RAB38: variants seen among roughly 807,000 people sequenced by gnomAD.
The protein encoded by RAB38 is ras-related protein Rab-38.
Under a neutral mutation model 18.4 loss-of-function variants are expected in RAB38, and 15 were observed. The ratio of observed to expected loss-of-function variants is 0.82; its 90% confidence interval spans 0.55 to 1.26. RAB38 has a LOEUF of 1.26. Ranked by LOEUF, RAB38 falls within the 50% of genes most tolerant of loss-of-function variation. The pLI, the probability that RAB38 is intolerant of heterozygous loss-of-function variation, is 0.00. For synonymous variants in RAB38, 101 were observed against 104.4 expected, an observed-to-expected ratio of 0.97 and a Z score of 0.20; for missense variants, 294 against 267.4, an observed-to-expected ratio of 1.10 and a Z score of -0.69.
At chr11:87,853,169 G>A in the RAB38 span, among the ~76,000 whole-genome samples, 89 of 152,280 alleles carry the variant, frequency 5.8e-4, 2 homozygotes, top group Non-Finnish European at 3.8e-4. Flanking sequence ...TACAAAGCAC[G>A]TGGCATTTCA....
chr11:88,027,620 C>T, the RAB38 span, among the ~76,000 whole-genome samples: 2 of 152,220 alleles, frequency 1.3e-5, no homozygotes, highest in African/African-American at 4.8e-5. Flanking sequence ...TCGCTGATTG[C>T]TAGCACAGCA....
At chr11:87,908,000 T>G in the RAB38 span, among the ~76,000 whole-genome samples, 51 of 152,038 alleles carry the variant, frequency 3.4e-4, no homozygotes, top group African/African-American at 1.2e-3. Context: ...CAATCAAAAC[T>G]GATCTCAATA....
the RAB38 span, among the ~76,000 whole-genome samples, chr11:87,883,604 A>T: frequency 2.0e-5 from 3 of 151,942 alleles, no homozygotes; most frequent in Admixed American, 2.0e-4. Context: ...TGCAGAAGTG[A>T]TTCAAGTTAA....
chr11:88,065,526 T>G, the RAB38 span, among the ~76,000 whole-genome samples: 1 of 152,170 alleles, frequency 6.6e-6, no homozygotes, highest in Non-Finnish European at 1.5e-5. Flanking sequence ...CAGATCAACA[T>G]GTTTTAATAT....
At chr11:88,150,982 C>A (rs1943056976) in intron 1 of RAB38, among the ~76,000 whole-genome samples, 1 of 152,100 alleles carries the variant, frequency 6.6e-6, no homozygotes, top group Non-Finnish European at 1.5e-5. Context: ...TACTCTACAA[C>A]CTATTGGATA....
chr11:88,158,746 T>C (rs1035524460), intron 1 of RAB38, among the ~76,000 whole-genome samples: 4 of 151,704 alleles, frequency 2.6e-5, no homozygotes, highest in Admixed American at 1.3e-4. Context: ...CTCAAGAAAA[T>C]AGGTATCAAA....
chr11:88,158,919 G>A (rs1943156736), intron 1 of RAB38, among the ~76,000 whole-genome samples: 1 of 151,986 alleles, frequency 6.6e-6, no homozygotes, highest in African/African-American at 2.4e-5. Context: ...GCTAGCCAGA[G>A]CAATCAGGCA....
the RAB38 span, among the ~76,000 whole-genome samples, chr11:87,852,233 G>A: frequency 6.6e-6 from 1 of 152,076 alleles, no homozygotes; most frequent in African/African-American, 2.4e-5. Context: ...TTATTCTGAG[G>A]TTGTATGACC....
At chr11:88,112,718 G>A (rs1942489207), downstream of RAB38, among the ~76,000 whole-genome samples, 1 of 152,016 alleles carries the variant, frequency 6.6e-6, no homozygotes, top group South Asian at 2.1e-4. Context: ...AAGTTGCAGT[G>A]AGCTGAGATC....
chr11:87,967,704 A>C, the RAB38 span, among the ~76,000 whole-genome samples: 9 of 152,316 alleles, frequency 5.9e-5, no homozygotes, highest in East Asian at 1.5e-3. Context: ...CCTATCAAGC[A>C]GTCCTCTCCA....
At chr11:87,818,683 T>C in the RAB38 span, among the ~76,000 whole-genome samples, 1 of 152,142 alleles carries the variant, frequency 6.6e-6, no homozygotes, top group Non-Finnish European at 1.5e-5. Context: ...AGTGACAGAC[T>C]TACTAGTTTT....
the RAB38 span, among the ~76,000 whole-genome samples, chr11:88,091,179 G>A: frequency 6.6e-6 from 1 of 151,912 alleles, no homozygotes; most frequent in African/African-American, 2.4e-5. Flanking sequence ...ACCCAATATT[G>A]GGAGCAGGGG....
chr11:88,015,288 C>G, the RAB38 span, among the ~76,000 whole-genome samples: 1 of 152,126 alleles, frequency 6.6e-6, no homozygotes. Context: ...AGCAGTCTTA[C>G]AGGTGGAGAC....
the RAB38 span, among the ~76,000 whole-genome samples, chr11:88,053,404 TATATATATATACACACACATATATATGGA>T: frequency 7.6e-3 from 227 of 29,944 alleles, 23 homozygotes; most frequent in African/African-American, 0.017. Flanking sequence ...ATATATGGAA[TATATATATATACACACACATATATATGGA>T]ATATATATAT....
downstream of RAB38, among the ~76,000 whole-genome samples, chr11:88,109,181 A>G (rs1255156303): frequency 6.6e-6 from 1 of 152,182 alleles, no homozygotes; most frequent in East Asian, 1.9e-4. Flanking sequence ...CTGGTACCAA[A>G]ACAGATATAT....
the RAB38 span, among the ~76,000 whole-genome samples, chr11:87,932,221 C>G: frequency 6.6e-6 from 1 of 151,980 alleles, no homozygotes; most frequent in Non-Finnish European, 1.5e-5. Flanking sequence ...CAGCAAACCA[C>G]CATGGCACAT....
At chr11:88,034,866 A>T in the RAB38 span, among the ~76,000 whole-genome samples, 122 of 152,332 alleles carry the variant, frequency 8.0e-4, no homozygotes, top group Middle Eastern at 3.4e-3. Flanking sequence ...TACACATGAG[A>T]GTAGAATTGT....
At chr11:87,880,114 A>G in the RAB38 span, 1 of 151,738 alleles carries the variant, frequency 6.6e-6, no homozygotes, top group Non-Finnish European at 1.5e-5. Context: ...TTTGCTTCCT[A>G]TCCGTATTTT....
chr11:88,129,416 G>A (rs1023719226), intron 2 of RAB38, among the ~76,000 whole-genome samples: 5 of 152,090 alleles, frequency 3.3e-5, no homozygotes. Context: ...TGAAGTGGGC[G>A]GATCACTTGA....
Sources: gnomAD v4.1 joint callset for allele counts (sites outside exome capture counted in the v4.1 genomes callset) on GRCh38, gnomAD v4.1.1 for gene constraint, MANE v1.5 for transcripts, NCBI Gene and HGNC (gene_info 2026-07-23, HGNC 2026-07-21) for gene names.